Variants in SLC5A10 observed in about 807,000 individuals in gnomAD.
The protein encoded by SLC5A10 is sodium/mannose cotransporter SLC5A10.
SLC5A10 carries 55 observed loss-of-function variants against 68.9 expected under a neutral mutation model. That is an observed-to-expected ratio of 0.80 (90% CI 0.64 to 1.00). The LOEUF is 1.00. SLC5A10 is among the 50% of genes least tolerant of loss of function. SLC5A10 has a pLI of 0.00. For synonymous variants in SLC5A10, 344 were observed against 344.8 expected (o/e 1.00, Z 0.02); for missense variants, 732 against 819.3 (o/e 0.89, Z 1.30).
At chr17:18,957,911 CA>C (rs564361823) in intron 1 of SLC5A10, among the ~76,000 whole-genome samples, 322 of 152,368 alleles carry the variant, frequency 2.1e-3, no homozygotes, top group Non-Finnish European at 3.8e-3. Flanking sequence ...CCCCTGGCAA[CA>C]ACTCATCTGC....
At position 18,960,997 on chromosome 17, in the gene SLC5A10, G is replaced by C. The variant is rs541405928; in HGVS notation, c.453+345G>C. On this transcript the variant is annotated intron_variant, in intron 5 of 14. Coordinates refer to ENST00000395645, the MANE Select transcript of SLC5A10 (RefSeq NM_001042450.4). ...GGGTGAGCCACGATCTCCCACTAGG[G>C]GGCGCCAAAAGCCCACGTGGTCTTA... 3.9e-5 allele frequency among the ~76,000 whole-genome samples: 6 copies of C among 152,270 alleles called. No individual in the cohort carries two copies. In the East Asian group the frequency reaches 5.8e-4, roughly 15 times the overall value.
In SLC5A10 at chr17:19,003,699, G is replaced by A. The variant is rs1382903321; in HGVS notation, c.983-9711G>A. The A allele has an allele frequency of 5.0e-6, 8 of 1,607,082 alleles. No homozygotes were observed. In the East Asian group the frequency reaches 1.8e-4, roughly 36 times the overall value. On this transcript the variant is annotated intron_variant, in intron 9 of 14. Transcript: ENST00000395645. The surrounding 1 kb of genome is among the most constrained non-coding windows in gnomAD (Gnocchi z 4.5). Reference sequence around the variant, plus strand: ...TTCTGGGGCCAGTACTCCAGGGAGGGCAGCGGCTCGGCCTCGATGGGGACC... The same window carrying A: ...TTCTGGGGCCAGTACTCCAGGGAGGACAGCGGCTCGGCCTCGATGGGGACC...
Position 18,971,532 on chromosome 17 carries a change from C to T in SLC5A10, c.846+314C>T, listed in dbSNP as rs2042853410. The T allele has an allele frequency of 6.2e-7, 1 of 1,613,826 alleles. No homozygotes were observed. Among genetic ancestry groups the T allele is most frequent in the Non-Finnish European group, 8.5e-7 (1 of 1,180,028 alleles). On this transcript the variant is annotated intron_variant, in intron 8 of 14. Coordinates refer to ENST00000395645, the MANE Select transcript of SLC5A10 (RefSeq NM_001042450.4). The surrounding 1 kb of genome is among the most constrained non-coding windows in gnomAD (Gnocchi z 5.5). ...GCCCTGCCATCGGTCATGGGGCGGG[C>T]ATTTTGGGCCAGTCTTGGGCTGCCG...
chr17:18,983,021 G>A (rs1241399154), intron 9 of SLC5A10, among the ~76,000 whole-genome samples: 1 of 152,234 alleles, frequency 6.6e-6, no homozygotes, highest in East Asian at 1.9e-4. Context: ...ACTGGAAGTG[G>A]CGCAGTGGGC....
rs2043793595 is a variant in SLC5A10, at chr17:19,003,695, G to A, written c.983-9715G>A. On this transcript the variant is annotated intron_variant, in intron 9 of 14. Transcript: ENST00000395645. The surrounding 1 kb of genome is among the most constrained non-coding windows in gnomAD (Gnocchi z 4.5). ...CGACTTCTGGGGCCAGTACTCCAGG[G>A]AGGGCAGCGGCTCGGCCTCGATGGG... is the stretch of plus-strand genomic sequence containing the variant. The A allele has an allele frequency of 6.2e-7, 1 of 1,608,138 alleles. No homozygotes were observed. Among genetic ancestry groups the A allele is most frequent in the East Asian group, 2.2e-5 (1 of 44,738 alleles).
intron 11 of SLC5A10, chr17:19,019,101 G>A (rs544590411): frequency 3.0e-6 from 1 of 337,682 alleles, no homozygotes; most frequent in East Asian, 5.6e-5. Flanking sequence ...TAGTGACTGG[G>A]ACAGGTGCTT....
chr17:19,007,126 A>AT (rs1567809767), intron 9 of SLC5A10, among the ~76,000 whole-genome samples: 1 of 151,528 alleles, frequency 6.6e-6, no homozygotes, highest in Non-Finnish European at 1.5e-5. Context: ...ACCATTTCAC[A>AT]TTCTCACCAA....
In SLC5A10 at chr17:19,019,430, A is replaced by G. The variant is rs377420812; in HGVS notation, c.1249A>G (p.Ile417Val). 123 of 1,610,244 alleles carry G rather than the reference A, an allele frequency of 7.6e-5. No homozygotes were observed. In the East Asian group the frequency reaches 1.6e-3, roughly 20 times the overall value. ...CCTTCCACTCGCCTGCAGGCTGGTC[A>G]TAGTGGCACTCATCGGCGTGAGTGT... is the stretch of plus-strand genomic sequence containing the variant. ...RELLLVGRLV[I>V]VALIGVSVAW... The change falls in exon 12 of 15, where the codon ATA becomes GTA. Residue 417 changes from isoleucine (I) to valine (V), a missense_variant. Coordinates refer to ENST00000395645, the MANE Select transcript of SLC5A10 (RefSeq NM_001042450.4).
At chr17:18,988,512 T>C (rs1279214474) in intron 9 of SLC5A10, 2 of 1,553,426 alleles carry the variant, frequency 1.3e-6, no homozygotes, top group Admixed American at 1.8e-5. Flanking sequence ...CACCAGCCTC[T>C]CACAGGTGCC....
intron 9 of SLC5A10, among the ~76,000 whole-genome samples, chr17:18,998,684 A>G (rs2043634228): frequency 6.6e-6 from 1 of 152,190 alleles, no homozygotes; most frequent in Admixed American, 6.5e-5. Flanking sequence ...CTCTTAATTA[A>G]GGGAAGGGAG....
In SLC5A10 at chr17:18,996,635, T is replaced by C. The variant is rs906726106; in HGVS notation, c.983-16775T>C. Among the ~76,000 whole-genome samples, 5 of 152,030 alleles carry C rather than the reference T, an allele frequency of 3.3e-5. No individual in the cohort carries two copies. The highest frequency in any genetic ancestry group is 1.2e-4 in the African/African-American group (5 of 41,370). ...TGACCCCAGCCAGAGCAAGGATAAT[T>C]AGGCCAACCAGCTGGCACGCATACA... On this transcript the variant is annotated intron_variant, in intron 9 of 14. Coordinates refer to ENST00000395645, the MANE Select transcript of SLC5A10 (RefSeq NM_001042450.4). The surrounding 1 kb of genome is among the most constrained non-coding windows in gnomAD (Gnocchi z 4.4).
Position 18,952,171 on chromosome 17 carries a change from T to C in SLC5A10, c.-35T>C. 6.3e-7 allele frequency: 1 copy of C among 1,599,030 alleles called. No individual in the cohort carries two copies. The highest frequency in any genetic ancestry group is 8.5e-7 in the Non-Finnish European group (1 of 1,173,266). ...CTGACCTGGTTTGCCCCTCAGTCCC[T>C]CGGGCTCATACCTAGTGCCTGCGGC... On this transcript the variant is annotated 5_prime_UTR_variant, in exon 1 of 15. Coordinates refer to ENST00000395645, the MANE Select transcript of SLC5A10 (RefSeq NM_001042450.4).
chr17:18,952,338 T>C, intron 1 of SLC5A10, 22 bp downstream of exon 1: 2 of 1,601,978 alleles, frequency 1.2e-6, no homozygotes, highest in East Asian at 2.3e-5. Flanking sequence ...TGTGGTGGTG[T>C]TGGCCAAGTG....
intron 9 of SLC5A10, among the ~76,000 whole-genome samples, chr17:19,011,062 G>A (rs1034124569): frequency 5.3e-5 from 8 of 152,178 alleles, no homozygotes; most frequent in South Asian, 2.1e-4. Flanking sequence ...TTCTGGGCCC[G>A]GCCCTGGACC....
chr17:19,014,481 G>T (rs151182942), intron 10 of SLC5A10, among the ~76,000 whole-genome samples: 1 of 152,168 alleles, frequency 6.6e-6, no homozygotes, highest in Non-Finnish European at 1.5e-5. Flanking sequence ...AGGAAGTGGC[G>T]GAAAATTCCA....
At chr17:18,967,766 G>T (rs1196647104) in intron 5 of SLC5A10, among the ~76,000 whole-genome samples, 6 of 152,150 alleles carry the variant, frequency 3.9e-5, no homozygotes, top group African/African-American at 1.4e-4. Flanking sequence ...CCTTCCTGGG[G>T]CCTCAGTTTA....
intron 9 of SLC5A10, among the ~76,000 whole-genome samples, chr17:18,987,688 T>C (rs1433574895): frequency 1.3e-5 from 2 of 152,238 alleles, no homozygotes; most frequent in Admixed American, 6.5e-5. Flanking sequence ...CCAAAGGTTC[T>C]TTCTCCTCTG....
intron 9 of SLC5A10, among the ~76,000 whole-genome samples, chr17:19,002,116 C>T (rs2043744703): frequency 6.7e-6 from 1 of 148,876 alleles, no homozygotes; most frequent in Non-Finnish European, 1.5e-5. Context: ...CCTTCCTCCT[C>T]CCCCTCCTCC....
chr17:18,981,187 C>T (rs1597855568), intron 9 of SLC5A10, among the ~76,000 whole-genome samples: 1 of 152,128 alleles, frequency 6.6e-6, no homozygotes, highest in Admixed American at 6.5e-5. Flanking sequence ...GAGGAGTAGC[C>T]TGAAGTGTGA....
Sources: gnomAD v4.1 joint callset for allele counts (sites outside exome capture counted in the v4.1 genomes callset) on GRCh38, gnomAD v4.1.1 for gene constraint, Gnocchi (gnomAD v3.1) non-coding constraint, MANE v1.5 for transcripts, NCBI Gene and HGNC (gene_info 2026-07-23, HGNC 2026-07-21) for gene names.